Variants in EDIL3 observed in about 807,000 individuals in gnomAD.
EDIL3 encodes EGF like and discoidin domains 3, also known as EGF-like repeat and discoidin I-like domain-containing protein 3.
In EDIL3, 37 loss-of-function variants were observed where a neutral mutation model predicts 67.4. That is an observed-to-expected ratio of 0.55 (90% CI 0.42 to 0.72). The LOEUF (loss-of-function observed/expected upper bound fraction) is 0.72. EDIL3 is among the 30% of genes least tolerant of loss of function. EDIL3 has a pLI of 0.00. For synonymous variants in EDIL3, 195 were observed against 196.3 expected, an observed-to-expected ratio of 0.99 and a Z score of 0.05; for missense variants, 527 against 586.3, an observed-to-expected ratio of 0.90 and a Z score of 1.04.
At chr5:84,083,699 T>A (rs1226872898) in intron 6 of EDIL3, among the ~76,000 whole-genome samples, 2 of 152,146 alleles carry the variant, frequency 1.3e-5, no homozygotes, top group Non-Finnish European at 2.9e-5. Flanking sequence ...AGTTGTCCGT[T>A]AGGTACCCTG....
chr5:84,315,904 C>T (rs147163656), intron 1 of EDIL3, among the ~76,000 whole-genome samples: 4,130 of 152,238 alleles, frequency 0.027, 90 homozygotes, highest in Non-Finnish European at 0.042. Context: ...AGACTAACAG[C>T]AGATCTCTCA....
chr5:84,260,981 CAT>C (rs1745214261), intron 1 of EDIL3, among the ~76,000 whole-genome samples: 1 of 152,148 alleles, frequency 6.6e-6, no homozygotes. Context: ...AATTTAAATT[CAT>C]GTTTTGCATC....
At chr5:84,235,760 T>C (rs62363006) in intron 2 of EDIL3, among the ~76,000 whole-genome samples, 10,313 of 152,074 alleles carry the variant, frequency 0.068, 491 homozygotes, top group Middle Eastern at 0.13. Flanking sequence ...CATCTCTGTA[T>C]ATGTTTCATC....
At chr5:83,963,097 A>G in intron 10 of EDIL3, 108 bp downstream of exon 10, 2 of 1,325,212 alleles carry the variant, frequency 1.5e-6, no homozygotes, top group Non-Finnish European at 1.0e-6. Flanking sequence ...TTTTCAGTAT[A>G]TATGGATACT....
At chr5:83,992,446 G>T (rs1311828372) in intron 9 of EDIL3, among the ~76,000 whole-genome samples, 1 of 152,046 alleles carries the variant, frequency 6.6e-6, no homozygotes, top group Non-Finnish European at 1.5e-5. Flanking sequence ...ATAATACATG[G>T]CCTACTACAA....
intron 9 of EDIL3, among the ~76,000 whole-genome samples, chr5:84,000,010 A>G (rs1053538867): frequency 1.6e-4 from 21 of 132,066 alleles, no homozygotes; most frequent in African/African-American, 7.5e-4. Context: ...GCTAAAGGAA[A>G]AAAAAAAAAA....
Position 84,141,952 on chromosome 5 carries a change from G to GATCTATCTATCTATCTATCT in EDIL3, c.356-4618_356-4599dup, listed in dbSNP as rs70975543. Among the ~76,000 whole-genome samples the GATCTATCTATCTATCTATCT allele has an allele frequency of 4.0e-3, 428 of 108,352 alleles. 2 individuals carry two copies. The highest frequency in any genetic ancestry group is 9.8e-3 in the Middle Eastern group (2 of 204). The allele number at this position is 108,352 out of a possible 152,430, so 71.1% of individuals were successfully genotyped here. A position where few individuals can be genotyped will look rare whatever the true frequency, so the allele number is the denominator to read the frequency against. On this transcript the variant is annotated intron_variant, in intron 4 of 10. Coordinates refer to ENST00000296591, the MANE Select transcript of EDIL3 (RefSeq NM_005711.5). ...ATATATATATATATATATATACATAGATCTATCTATCTATCTATCTATCTA... is the reference window on the plus strand; with the variant it reads ...ATATATATATATATATATATACATAGATCTATCTATCTATCTATCTATCTATCTATCTATCTATCTATCTA...
chr5:84,093,290 ACT>A (rs748771774), intron 6 of EDIL3, among the ~76,000 whole-genome samples: 28 of 152,240 alleles, frequency 1.8e-4, no homozygotes, highest in Admixed American at 3.9e-4. Context: ...ACTTAAACTA[ACT>A]CTGATTCCTA....
intron 6 of EDIL3, among the ~76,000 whole-genome samples, chr5:84,103,226 G>A (rs535954562): frequency 3.3e-5 from 5 of 152,212 alleles, no homozygotes; most frequent in Admixed American, 3.3e-4. Flanking sequence ...ACTCAAGATG[G>A]ATTAAAGACT....
intron 1 of EDIL3, among the ~76,000 whole-genome samples, chr5:84,311,192 T>C (rs1746379660): frequency 6.6e-6 from 1 of 152,134 alleles, no homozygotes. Flanking sequence ...TTTTAATTGC[T>C]TAGTTTTAGG....
chr5:84,089,889 G>C (rs749202748), intron 6 of EDIL3, among the ~76,000 whole-genome samples: 3 of 152,104 alleles, frequency 2.0e-5, no homozygotes, highest in Non-Finnish European at 4.4e-5. Flanking sequence ...CCTCAAAGAT[G>C]CTAAATATGC....
At chr5:84,283,541 T>A (rs1041427453) in intron 1 of EDIL3, among the ~76,000 whole-genome samples, 1 of 152,144 alleles carries the variant, frequency 6.6e-6, no homozygotes, top group Non-Finnish European at 1.5e-5. Context: ...CCTTCAGTGG[T>A]GCAACACTGA....
At chr5:84,019,302 A>C (rs2112189629) in intron 9 of EDIL3, among the ~76,000 whole-genome samples, 1 of 152,032 alleles carries the variant, frequency 6.6e-6, no homozygotes, top group South Asian at 2.1e-4. Context: ...AGGACAAAAA[A>C]CCAAACACCA....
chr5:84,129,190 T>C, intron 5 of EDIL3, among the ~76,000 whole-genome samples: 1 of 152,128 alleles, frequency 6.6e-6, no homozygotes, highest in East Asian at 1.9e-4. Context: ...AATAATCCAA[T>C]TTGCTTTTGT....
chr5:84,116,893 G>C (rs1383715418), intron 5 of EDIL3, among the ~76,000 whole-genome samples: 1 of 151,884 alleles, frequency 6.6e-6, no homozygotes, highest in African/African-American at 2.4e-5. Flanking sequence ...TACTGGATGT[G>C]TTTTATCAGT....
At chr5:84,004,018 G>T (rs2112172681) in intron 9 of EDIL3, among the ~76,000 whole-genome samples, 1 of 151,800 alleles carries the variant, frequency 6.6e-6, no homozygotes, top group African/African-American at 2.4e-5. Context: ...AAGAAGAGGG[G>T]TTGCTATTCT....
intron 6 of EDIL3, among the ~76,000 whole-genome samples, chr5:84,091,739 C>T (rs1747169780): frequency 6.6e-6 from 1 of 152,174 alleles, no homozygotes; most frequent in Non-Finnish European, 1.5e-5. Context: ...ACTTCTGCTT[C>T]TCTGAATTTC....
At chr5:84,268,073 G>A (rs1355254981) in intron 1 of EDIL3, among the ~76,000 whole-genome samples, 1 of 152,116 alleles carries the variant, frequency 6.6e-6, no homozygotes, top group Non-Finnish European at 1.5e-5. Context: ...GGAGGCAGAG[G>A]TTGCAGTGAG....
At chr5:84,333,463 C>A (rs931335589) in intron 1 of EDIL3, among the ~76,000 whole-genome samples, 1 of 151,948 alleles carries the variant, frequency 6.6e-6, no homozygotes, top group African/African-American at 2.4e-5. Context: ...GAACAAACAA[C>A]AAATTAACAA....
Sources: gnomAD v4.1 joint callset for allele counts (sites outside exome capture counted in the v4.1 genomes callset) on GRCh38, gnomAD v4.1.1 for gene constraint, MANE v1.5 for transcripts, NCBI Gene and HGNC (gene_info 2026-07-23, HGNC 2026-07-21) for gene names.